The following CARD10 variants were observed in gnomAD, a reference collection of about 807,000 sequenced individuals.
CARD10 encodes the protein caspase recruitment domain family member 10.
Under a neutral mutation model 114.6 loss-of-function variants are expected in CARD10, and 49 were observed. That is an observed-to-expected ratio of 0.43 (90% CI 0.34 to 0.54). The LOEUF (loss-of-function observed/expected upper bound fraction) is 0.54, where lower values mean the gene tolerates loss of function less well. CARD10 is among the 20% of genes least tolerant of loss of function. The pLI, the probability that CARD10 is intolerant of heterozygous loss-of-function variation, is 0.03. For synonymous variants in CARD10, 602 were observed against 593.2 expected (o/e 1.01, Z -0.21); for missense variants, 1,206 against 1,397.2 (o/e 0.86, Z 2.18).
chr22:37,505,153 C>A (rs527779113), intron 7 of CARD10, among the ~76,000 whole-genome samples: 51 of 152,188 alleles, frequency 3.4e-4, no homozygotes, highest in Admixed American at 3.9e-4. Context: ...GTGATGCATT[C>A]CAGTTGAAAG....
In CARD10 at chr22:37,496,232, T is replaced by C. The variant is rs1922999888; in HGVS notation, c.2059+217A>G. ...CAAACCCAGGTCTCTGGACTCCTAATGTAGTGCTCCTTTCACTGTAAGCTG... is the reference window on the plus strand; with the variant it reads ...CAAACCCAGGTCTCTGGACTCCTAACGTAGTGCTCCTTTCACTGTAAGCTG... On this transcript the variant is annotated intron_variant, in intron 13 of 19. Transcript: ENST00000251973. The surrounding 1 kb of genome is among the most constrained non-coding windows in gnomAD (Gnocchi z 4.1). Among the ~76,000 whole-genome samples, 1 of 152,148 alleles carries C rather than the reference T, an allele frequency of 6.6e-6. No individual in the cohort carries two copies. Among genetic ancestry groups the C allele is most frequent in the Non-Finnish European group, 1.5e-5 (1 of 68,016 alleles).
intron 19 of CARD10, 111 bp from the exon 20 acceptor site, chr22:37,491,504 C>G: frequency 1.7e-6 from 1 of 592,676 alleles, no homozygotes; most frequent in Non-Finnish European, 2.5e-6. Flanking sequence ...GATGGACAAC[C>G]AAAGAGAGAC....
intron 7 of CARD10, among the ~76,000 whole-genome samples, chr22:37,505,977 A>C (rs1245950156): frequency 1.3e-5 from 2 of 152,100 alleles, no homozygotes; most frequent in East Asian, 3.9e-4. Flanking sequence ...AGAAACTCAG[A>C]GACCAACATG....
At position 37,507,937 on chromosome 22, in the gene CARD10, T is replaced by C. The variant is rs1601815320; in HGVS notation, c.1083A>G (p.Glu361=). Residue 361 remains glutamate (E), a synonymous_variant, in exon 6 of 20, where the codon GAA becomes GAG. Transcript: ENST00000251973. ...GCGTGCGGTGCTTGAGCCGCAGGTC[T>C]TCCATCTCCTGCAGGTACTGAGGGT... ...ELRDQYLQEM[E]DLRLKHRTLQ... 6.2e-7 allele frequency: 1 copy of C among 1,613,982 alleles called. No homozygotes were observed. The highest frequency in any genetic ancestry group is 1.3e-5 in the African/African-American group (1 of 74,912).
Position 37,516,193 on chromosome 22 carries a change from CG to C in CARD10, c.478del (p.Arg160GlyfsTer49), listed in dbSNP as rs777326012. The C allele has an allele frequency of 6.3e-7, 1 of 1,593,446 alleles. No individual in the cohort carries two copies. The highest frequency in any genetic ancestry group is 1.3e-5 in the African/African-American group (1 of 74,578). On this transcript the variant is annotated frameshift_variant, in exon 3 of 20. Coordinates refer to ENST00000251973, the MANE Select transcript of CARD10 (RefSeq NM_014550.4). LOFTEE classifies it high-confidence loss of function. The stretch of plus-strand genomic sequence containing the variant: ...CCGCTCCTCCTCGAGCACCCGGCCC[CG>C]GGCCTGCAGTTGCTGCTCCCGCTGC... ...QLQREQQLQARGRVLEEERAG... is the reference protein window; with the variant it reads ...QLQREQQLQAXGRVLEEERAG...
intron 11 of CARD10, among the ~76,000 whole-genome samples, chr22:37,498,682 G>A (rs767840737): frequency 2.6e-5 from 4 of 152,176 alleles, no homozygotes; most frequent in Non-Finnish European, 4.4e-5. Context: ...ATTCAGTGCC[G>A]CATGTCCTGG....
intron 11 of CARD10, among the ~76,000 whole-genome samples, chr22:37,498,724 C>T (rs1316077789): frequency 1.3e-5 from 2 of 152,150 alleles, no homozygotes; most frequent in Admixed American, 6.5e-5. Flanking sequence ...AGGGGGCAGG[C>T]CTGAGACCTG....
intron 11 of CARD10, 116 bp from the exon 12 acceptor site, chr22:37,497,294 C>T: frequency 9.9e-7 from 1 of 1,011,134 alleles, no homozygotes; most frequent in Non-Finnish European, 1.4e-6. Flanking sequence ...CTCCCACCCC[C>T]AGGCCTCTCC....
rs1459872743 is a variant in CARD10 at position 37,495,836 on chromosome 22, G to A, written c.2227C>T (p.Gln743Ter). 6.2e-7 allele frequency: 1 copy of A among 1,614,008 alleles called. No homozygotes were observed. The highest frequency in any genetic ancestry group is 2.2e-5 in the East Asian group (1 of 44,898). Residue 743 changes from glutamine (Q) to a stop codon, truncating the protein, a stop_gained, in exon 14 of 20, where the codon CAG (glutamine) becomes TAG (stop). Coordinates refer to ENST00000251973, the MANE Select transcript of CARD10 (RefSeq NM_014550.4). LOFTEE classifies it high-confidence loss of function. ...RLVDSAYKRRQEWFCTRVDPL... is the reference protein window; with the variant it reads ...RLVDSAYKRR ...TCAACCCGGGTGCAGAACCATTCCT[G>A]CCTCCGCTTGTATGCCGAGTCCACC... is the stretch of plus-strand genomic sequence containing the variant.
At chr22:37,505,952 C>T (rs955107072) in intron 7 of CARD10, among the ~76,000 whole-genome samples, 1 of 152,156 alleles carries the variant, frequency 6.6e-6, no homozygotes, top group African/African-American at 2.4e-5. Context: ...TTCTTAGTGT[C>T]CCAGAAGCAA....
chr22:37,498,861 G>A (rs149621718), intron 11 of CARD10, among the ~76,000 whole-genome samples: 192 of 137,350 alleles, frequency 1.4e-3, no homozygotes, highest in African/African-American at 5.0e-3. Context: ...TGCATAACAC[G>A]AAGCTGACAA....
In CARD10 at chr22:37,491,347, G is replaced by A; in HGVS notation, c.2911C>T (p.Gln971Ter). 1 of 1,538,734 alleles carries A rather than the reference G, an allele frequency of 6.5e-7. No homozygotes were observed. The highest frequency in any genetic ancestry group is 1.7e-4 in the Middle Eastern group (1 of 5,822). Reference protein sequence around the residue: ...PGWRDSELLRQCRGSEQVLWG... With the variant: ...PGWRDSELLR ...AGCACCTGCTCTGAGCCACGGCACTGCCGCAGCAGCTCTGAGTCCCGCCAG... is the reference window on the plus strand; with the variant it reads ...AGCACCTGCTCTGAGCCACGGCACTACCGCAGCAGCTCTGAGTCCCGCCAG... Residue 971 changes from glutamine to a stop codon, truncating the protein, a stop_gained, in exon 20 of 20, where the codon CAG (glutamine) becomes TAG (stop). Coordinates refer to ENST00000251973, the MANE Select transcript of CARD10 (RefSeq NM_014550.4). LOFTEE classifies it high-confidence loss of function.
chr22:37,516,369 C>G (rs1923847465), intron 2 of CARD10, 71 bp from the exon 3 acceptor site: 1 of 1,108,830 alleles, frequency 9.0e-7, no homozygotes, highest in Non-Finnish European at 1.2e-6. Flanking sequence ...CATACTGTGT[C>G]AAAAAACTCA....
chr22:37,515,247 T>G (rs1032979002), intron 3 of CARD10, among the ~76,000 whole-genome samples: 18 of 152,204 alleles, frequency 1.2e-4, no homozygotes, highest in African/African-American at 4.3e-4. Context: ...TGCTAGGGAC[T>G]GTACATGTTT....
Position 37,491,334 on chromosome 22 carries a change from G to A in CARD10, c.2924C>T (p.Ser975Leu), listed in dbSNP as rs761759300. 5 of 1,551,136 alleles carry A rather than the reference G, an allele frequency of 3.2e-6. No individual in the cohort carries two copies. The highest frequency in any genetic ancestry group is 4.3e-6 in the Non-Finnish European group (5 of 1,152,724). Residue 975 changes from serine (S) to leucine (L), a missense_variant, in exon 20 of 20, where the codon TCA becomes TTA. Coordinates refer to ENST00000251973, the MANE Select transcript of CARD10 (RefSeq NM_014550.4). ...GGGCAGCCCCCAGAGCACCTGCTCTGAGCCACGGCACTGCCGCAGCAGCTC... is the reference window on the plus strand; with the variant it reads ...GGGCAGCCCCCAGAGCACCTGCTCTAAGCCACGGCACTGCCGCAGCAGCTC... ...DSELLRQCRG[S>L]EQVLWGLPCS... is the part of the protein sequence containing the mutation.
chr22:37,508,945 G>A (rs1923514085), intron 4 of CARD10: 3 of 1,513,450 alleles, frequency 2.0e-6, no homozygotes, highest in African/African-American at 2.8e-5. Context: ...GACTGGACAA[G>A]TTCACCCAGG....
At chr22:37,508,049 C>T in intron 5 of CARD10, 95 bp from the exon 6 acceptor site, 1 of 1,478,690 alleles carries the variant, frequency 6.8e-7, no homozygotes, top group East Asian at 2.3e-5. Flanking sequence ...GAGACGCTCA[C>T]CAACAGTCTG....
In CARD10 at chr22:37,515,974, G is replaced by T; in HGVS notation, c.698C>A (p.Ala233Glu). 6.4e-7 allele frequency: 1 copy of T among 1,570,992 alleles called. No individual in the cohort carries two copies. The highest frequency in any genetic ancestry group is 1.2e-5 in the South Asian group (1 of 86,658). Residue 233 changes from alanine to glutamate, a missense_variant and splice_region_variant, in exon 3 of 20, where the codon GCG becomes GAG. This residue lies in a region of CARD10 where 1,068 missense variants were observed against 1,179.1 expected (regional missense o/e 0.91). Transcript: ENST00000251973. ...CCGACCCATCTCCCCAGGGCCTACC[G>T]CCAGCTGCAGGTCACGGCTGCGAAG... ...AVLRSRDLQL[A>E]VDQLKLKVSR...
chr22:37,517,061 ATTC>A (rs2145777876), intron 2 of CARD10, among the ~76,000 whole-genome samples: 1 of 152,344 alleles, frequency 6.6e-6, no homozygotes, highest in Non-Finnish European at 1.5e-5. Flanking sequence ...TCTTTGAGAA[ATTC>A]TTCTCAGAAC....
Sources: gnomAD v4.1 joint callset for allele counts (sites outside exome capture counted in the v4.1 genomes callset) on GRCh38, gnomAD v4.1.1 for gene constraint, gnomAD v4.1.1 regional missense constraint, Gnocchi (gnomAD v3.1) non-coding constraint, MANE v1.5 for transcripts, NCBI Gene and HGNC (gene_info 2026-07-23, HGNC 2026-07-21) for gene names.